Variants in DNAJC6 observed in about 807,000 individuals in gnomAD.
DNAJC6 encodes the protein auxilin.
Under a neutral mutation model 110.0 loss-of-function variants are expected in DNAJC6, and 34 were observed. The observed-to-expected ratio is 0.31, with a 90% confidence interval of 0.24 to 0.41. DNAJC6 has a LOEUF of 0.41. Among genes scored for constraint, DNAJC6 ranks in the 10% least tolerant of loss-of-function variants. The pLI is 1.00. For missense variants in DNAJC6, 1,031 were observed against 1,207.8 expected (o/e 0.85, Z 2.17); for synonymous variants, 406 against 437.2 (o/e 0.93, Z 0.89).
chr1:65,314,850 A>T (rs538882003), intron 1 of DNAJC6, among the ~76,000 whole-genome samples: 1 of 152,364 alleles, frequency 6.6e-6, no homozygotes, highest in East Asian at 1.9e-4. Flanking sequence ...TCGTTTAAAG[A>T]TGCACCAGTT....
At chr1:65,365,118 T>A (rs1645633605) in intron 2 of DNAJC6, among the ~76,000 whole-genome samples, 1 of 152,172 alleles carries the variant, frequency 6.6e-6, no homozygotes. Context: ...TTTTTTTTTA[T>A]ACCCTGACAG....
intron 8 of DNAJC6, 120 bp from the exon 9 acceptor site, chr1:65,388,216 A>G (rs1400786829): frequency 7.0e-6 from 6 of 851,092 alleles, no homozygotes; most frequent in Non-Finnish European, 1.2e-5. Flanking sequence ...TAATATCCAT[A>G]GTAAACACAA....
At chr1:65,322,418 T>G (rs890933495) in intron 1 of DNAJC6, among the ~76,000 whole-genome samples, 2 of 152,210 alleles carry the variant, frequency 1.3e-5, no homozygotes, top group Non-Finnish European at 2.9e-5. Context: ...CTGGAATCCA[T>G]CTATACATGC....
chr1:65,312,855 A>G (rs1247573926), intron 1 of DNAJC6, among the ~76,000 whole-genome samples: 10 of 152,182 alleles, frequency 6.6e-5, no homozygotes, highest in Admixed American at 6.5e-4. Context: ...GCTGGAGTGC[A>G]GTGGTGCGAT....
rs2101358607 is a variant in DNAJC6 at position 65,309,920 on chromosome 1, AG to A, written c.176del (p.Ser59ThrfsTer25). 2 of 1,527,682 alleles carry A rather than the reference AG, an allele frequency of 1.3e-6. No individual in the cohort carries two copies. Among genetic ancestry groups the A allele is most frequent in the African/African-American group, 1.4e-5 (1 of 71,590 alleles). 94.6% of individuals were successfully genotyped at this position (1,527,682 alleles called of 1,614,324 possible). ...CGCCCGACAGCCTCCGGACCGCGCC[AG>A]CACCATGGACAGCTCAGGTAGCGCT... is the stretch of plus-strand genomic sequence containing the variant. The part of the protein sequence containing the change: ...SPARQPPDRA[S>X]TMDSSGASSP... On this transcript the variant is annotated frameshift_variant, in exon 1 of 19. Coordinates refer to ENST00000371069, the MANE Select transcript of DNAJC6 (RefSeq NM_001256864.2). LOFTEE classifies it high-confidence loss of function.
At chr1:65,314,694 G>A (rs1342893079) in intron 1 of DNAJC6, among the ~76,000 whole-genome samples, 2 of 152,172 alleles carry the variant, frequency 1.3e-5, no homozygotes, top group African/African-American at 4.8e-5. Context: ...CGCCATGTTG[G>A]CCAGGTTGGT....
At chr1:65,274,424 C>T (rs935643823) in intron 1 of DNAJC6, among the ~76,000 whole-genome samples, 2 of 152,172 alleles carry the variant, frequency 1.3e-5, no homozygotes, top group Non-Finnish European at 2.9e-5. Flanking sequence ...TCAAGCGATT[C>T]TCCTGCCTCA....
intron 1 of DNAJC6, among the ~76,000 whole-genome samples, chr1:65,269,613 C>A (rs1019349350): frequency 1.3e-5 from 2 of 152,114 alleles, no homozygotes; most frequent in African/African-American, 4.8e-5. Flanking sequence ...AACTCAAATT[C>A]TTTCAAGGAT....
chr1:65,340,116 T>C (rs1366074173), intron 1 of DNAJC6, among the ~76,000 whole-genome samples: 1 of 152,216 alleles, frequency 6.6e-6, no homozygotes, highest in Non-Finnish European at 1.5e-5. Flanking sequence ...GAAAGCCATA[T>C]GTTTAAGGGC....
At chr1:65,332,012 T>A in intron 1 of DNAJC6, among the ~76,000 whole-genome samples, 1 of 152,200 alleles carries the variant, frequency 6.6e-6, no homozygotes, top group East Asian at 1.9e-4. Flanking sequence ...TTTCCTCATG[T>A]CCTGGAGTCT....
chr1:65,363,996 G>A lies in DNAJC6; in HGVS notation c.194-639G>A, dbSNP rs184556686. Among the ~76,000 whole-genome samples the A allele has an allele frequency of 5.9e-5, 9 of 152,210 alleles. No homozygotes were observed. The East Asian group carries it at 1.7e-3, about 30-fold the overall frequency. ...GTGCTTTAAGGGATAGCCATGGAAT[G>A]GGGCTTCTAGTATAGTCAGCTTCAT... On this transcript the variant is annotated intron_variant, in intron 1 of 18. Transcript: ENST00000371069.
intron 5 of DNAJC6, 117 bp from the exon 6 acceptor site, chr1:65,384,076 C>T (rs550729279): frequency 3.7e-5 from 46 of 1,241,418 alleles, no homozygotes; most frequent in African/African-American, 3.5e-4. Flanking sequence ...ATGAAAAGCA[C>T]CCACAGTTAA....
At chr1:65,370,944 C>G (rs1470892004) in intron 4 of DNAJC6, among the ~76,000 whole-genome samples, 2 of 152,084 alleles carry the variant, frequency 1.3e-5, no homozygotes, top group Non-Finnish European at 2.9e-5. Flanking sequence ...AAGTTTATAG[C>G]TCATATTTCA....
chr1:65,321,452 C>T lies in DNAJC6; in HGVS notation c.193+11514C>T, dbSNP rs188118910. Among the ~76,000 whole-genome samples, 416 of 151,972 alleles carry T rather than the reference C, an allele frequency of 2.7e-3. 1 individual carries two copies. Among genetic ancestry groups the T allele is most frequent in the Non-Finnish European group, 5.1e-3 (346 of 67,980 alleles). ...CTCAAGGAATCCTCCTGCCTTTGGC[C>T]TCCCAATATACAGGGATTACAGATG... On this transcript the variant is annotated intron_variant, in intron 1 of 18. Coordinates refer to ENST00000371069, the MANE Select transcript of DNAJC6 (RefSeq NM_001256864.2).
intron 4 of DNAJC6, among the ~76,000 whole-genome samples, chr1:65,369,873 C>G (rs1645688983): frequency 6.6e-6 from 1 of 152,058 alleles, no homozygotes. Flanking sequence ...CCTGATTTTT[C>G]TATTATGTAT....
intron 1 of DNAJC6, among the ~76,000 whole-genome samples, chr1:65,340,893 TTC>T: frequency 6.6e-6 from 1 of 152,164 alleles, no homozygotes. Flanking sequence ...CTCTCAGAGA[TTC>T]TGATTTGAAA....
chr1:65,282,708 T>C (rs1653891838), intron 1 of DNAJC6, among the ~76,000 whole-genome samples: 1 of 152,198 alleles, frequency 6.6e-6, no homozygotes, highest in East Asian at 1.9e-4. Context: ...CTCCTGGTGT[T>C]CCTAAGGAAA....
chr1:65,352,012 C>T lies in DNAJC6; in HGVS notation c.194-12623C>T, dbSNP rs58913553. Among the ~76,000 whole-genome samples, 1,031 of 152,230 alleles carry T rather than the reference C, an allele frequency of 6.8e-3. 12 individuals carry two copies. The highest frequency in any genetic ancestry group is 0.023 in the African/African-American group (975 of 41,540). On this transcript the variant is annotated intron_variant, in intron 1 of 18. Transcript: ENST00000371069. ...AACTCCTGACTTCAGGTGATCCACC[C>T]GCCTCAGCTTCCCAAAGTGCTAGGA...
At chr1:65,386,999 C>A in intron 8 of DNAJC6, 70 bp downstream of exon 8, 2 of 1,304,598 alleles carry the variant, frequency 1.5e-6, no homozygotes, top group Non-Finnish European at 2.2e-6. Context: ...TGAATCTTTT[C>A]TCCCCATCAC....
Sources: allele counts gnomAD v4.1 joint callset (sites outside exome capture counted in the v4.1 genomes callset), GRCh38; gene constraint gnomAD v4.1.1; transcripts MANE v1.5; gene names NCBI Gene and HGNC (gene_info 2026-07-23, HGNC 2026-07-21).